The following RXRG variants were observed in gnomAD, a reference collection of about 807,000 sequenced individuals.
RXRG encodes retinoic acid receptor RXR-gamma.
A neutral mutation model predicts 49.2 loss-of-function variants in RXRG; 19 were observed. The observed-to-expected ratio is 0.39, with a 90% confidence interval of 0.27 to 0.57. RXRG has a LOEUF of 0.57. Among genes scored for constraint, RXRG ranks in the 20% least tolerant of loss-of-function variants. The pLI is 0.64. For synonymous variants in RXRG, 224 were observed against 216.6 expected (o/e 1.03, Z -0.30); for missense variants, 452 against 592.5 (o/e 0.76, Z 2.46).
At chr1:165,442,439 C>G (rs1377910154) in intron 1 of RXRG, among the ~76,000 whole-genome samples, 1 of 152,248 alleles carries the variant, frequency 6.6e-6, no homozygotes, top group Non-Finnish European at 1.5e-5. Context: ...AGACAACCTA[C>G]ATGACCCTTT....
intron 1 of RXRG, among the ~76,000 whole-genome samples, chr1:165,433,546 GA>G: frequency 6.6e-6 from 1 of 152,294 alleles, no homozygotes; most frequent in South Asian, 2.1e-4. Flanking sequence ...CTTATCTAAT[GA>G]AAAAGCGCTA....
At chr1:165,402,269 A>G (rs1657603730) in intron 9 of RXRG, among the ~76,000 whole-genome samples, 1 of 152,154 alleles carries the variant, frequency 6.6e-6, no homozygotes, top group Non-Finnish European at 1.5e-5. Context: ...TAGTTTTAGT[A>G]GAGACAGGTC....
At chr1:165,414,409 C>T (rs1479853644) in intron 4 of RXRG, among the ~76,000 whole-genome samples, 1 of 152,166 alleles carries the variant, frequency 6.6e-6, no homozygotes, top group East Asian at 1.9e-4. Flanking sequence ...AACATTTGGC[C>T]TATTGACCAC....
At chr1:165,427,433 TG>T (rs1658523966) in intron 2 of RXRG, among the ~76,000 whole-genome samples, 1 of 101,874 alleles carries the variant, frequency 9.8e-6, no homozygotes, top group African/African-American at 2.8e-5. Context: ...TGTTTTGTTT[TG>T]TTTTGTTTTG....
chr1:165,406,842 G>GT lies in RXRG; in HGVS notation c.1213dup (p.Thr405AsnfsTer45). On this transcript the variant is annotated frameshift_variant, in exon 9 of 10. Coordinates refer to ENST00000359842, the MANE Select transcript of RXRG (RefSeq NM_006917.5). LOFTEE classifies it high-confidence loss of function. ...TGGCTGTTCCGGATACTTCTGCTTGGTGTAGGCCTCAAGGGTGGCATAAAC... is the reference window on the plus strand; with the variant it reads ...TGGCTGTTCCGGATACTTCTGCTTGGTTGTAGGCCTCAAGGGTGGCATAAAC... 6.2e-7 allele frequency: 1 copy of GT among 1,613,850 alleles called. No homozygotes were observed. Among genetic ancestry groups the GT allele is most frequent in the Non-Finnish European group, 8.5e-7 (1 of 1,179,908 alleles).
chr1:165,427,802 C>T (rs1009911190), intron 2 of RXRG, among the ~76,000 whole-genome samples: 5 of 152,118 alleles, frequency 3.3e-5, no homozygotes, highest in Non-Finnish European at 7.3e-5. Flanking sequence ...TGAGCAGAGG[C>T]TTCACTGTGC....
intron 9 of RXRG, among the ~76,000 whole-genome samples, chr1:165,403,098 T>C (rs1002902965): frequency 2.0e-5 from 3 of 152,208 alleles, no homozygotes; most frequent in African/African-American, 4.8e-5. Flanking sequence ...AGGACATTTG[T>C]TGTGAGATTC....
intron 3 of RXRG, among the ~76,000 whole-genome samples, chr1:165,417,979 C>T (rs1255959937): frequency 4.0e-5 from 6 of 151,812 alleles, no homozygotes; most frequent in Admixed American, 1.3e-4. Context: ...CGCATGGTGG[C>T]ACATGCCTGT....
intron 2 of RXRG, among the ~76,000 whole-genome samples, chr1:165,424,539 AG>A (rs1658421001): frequency 6.6e-6 from 1 of 152,248 alleles, no homozygotes; most frequent in African/African-American, 2.4e-5. Context: ...AAACTGAAAC[AG>A]AAACAAGTTA....
intron 2 of RXRG, among the ~76,000 whole-genome samples, chr1:165,425,868 G>A (rs955399236): frequency 2.6e-5 from 4 of 152,340 alleles, no homozygotes; most frequent in South Asian, 2.1e-4. Flanking sequence ...AAGATTACCC[G>A]GGAGCACTGA....
intron 4 of RXRG, among the ~76,000 whole-genome samples, chr1:165,414,643 T>A (rs939715627): frequency 6.6e-6 from 1 of 152,208 alleles, no homozygotes; most frequent in Non-Finnish European, 1.5e-5. Context: ...TGGACTCTTG[T>A]TAATGGGAGA....
At chr1:165,437,052 A>C (rs1424628974) in intron 1 of RXRG, 2 of 1,275,730 alleles carry the variant, frequency 1.6e-6, no homozygotes, top group African/African-American at 3.1e-5. Context: ...CATTTCTGTG[A>C]CTCAAAATCT....
intron 9 of RXRG, among the ~76,000 whole-genome samples, chr1:165,405,978 C>T (rs944877549): frequency 6.6e-6 from 1 of 152,210 alleles, no homozygotes; most frequent in African/African-American, 2.4e-5. Flanking sequence ...GCATTGGGAG[C>T]ATGTAAAATT....
In RXRG at chr1:165,429,244, G is replaced by T. The variant is rs115161263; in HGVS notation, c.50-278C>A. Among the ~76,000 whole-genome samples, 1,017 of 152,262 alleles carry T rather than the reference G, an allele frequency of 6.7e-3. 18 individuals are homozygous for T. Among genetic ancestry groups the T allele is most frequent in the African/African-American group, 0.023 (968 of 41,546 alleles). On this transcript the variant is annotated intron_variant, in intron 1 of 9. Coordinates refer to ENST00000359842, the MANE Select transcript of RXRG (RefSeq NM_006917.5). The stretch of plus-strand genomic sequence containing the variant: ...CACTCTGGACTATGCTGGATCCACA[G>T]CCAGTGCAACAAGGGGCACAGTCCA...
intron 2 of RXRG, among the ~76,000 whole-genome samples, chr1:165,427,150 G>A (rs1456480764): frequency 1.3e-5 from 2 of 152,176 alleles, no homozygotes; most frequent in Non-Finnish European, 2.9e-5. Flanking sequence ...CCGAATATGA[G>A]GGCATCCTAT....
chr1:165,443,385 GC>G (rs931051564), intron 1 of RXRG, among the ~76,000 whole-genome samples: 2 of 152,152 alleles, frequency 1.3e-5, no homozygotes, highest in African/African-American at 2.4e-5. Flanking sequence ...AATTGAGGAG[GC>G]TTTTCACATC....
chr1:165,410,614 T>A, intron 6 of RXRG, 88 bp downstream of exon 6: 1 of 1,450,570 alleles, frequency 6.9e-7, no homozygotes, highest in East Asian at 2.3e-5. Flanking sequence ...AGCTTGGACA[T>A]GTTGCAGCTC....
chr1:165,415,704 A>T (rs1466066045), intron 4 of RXRG, among the ~76,000 whole-genome samples: 2 of 152,162 alleles, frequency 1.3e-5, no homozygotes, highest in South Asian at 2.1e-4. Context: ...ATAAGTGGCC[A>T]TTTCCTGAAA....
chr1:165,418,299 T>A (rs1658200505), intron 3 of RXRG, among the ~76,000 whole-genome samples: 1 of 152,066 alleles, frequency 6.6e-6, no homozygotes, highest in Non-Finnish European at 1.5e-5. Flanking sequence ...TCAATCACAA[T>A]CCTTTTTCTA....
Sources: gnomAD v4.1 joint callset for allele counts (sites outside exome capture counted in the v4.1 genomes callset) on GRCh38, gnomAD v4.1.1 for gene constraint, MANE v1.5 for transcripts, NCBI Gene and HGNC (gene_info 2026-07-23, HGNC 2026-07-21) for gene names.